AGAP3: variants seen among roughly 807,000 people sequenced by gnomAD.
The protein encoded by AGAP3 is arf-GAP with GTPase, ANK repeat and PH domain-containing protein 3.
A neutral mutation model predicts 96.9 loss-of-function variants in AGAP3; 24 were observed. The observed-to-expected ratio is 0.25, with a 90% CI of 0.18 to 0.35. The LOEUF is 0.35. AGAP3 is among the 10% of genes least tolerant of loss of function. The probability of loss-of-function intolerance (pLI) is 1.00; values close to 1 mark genes in which losing one functional copy is unlikely to be tolerated. For synonymous variants in AGAP3, 563 were observed against 536.1 expected, an observed-to-expected ratio of 1.05 and a Z score of -0.69; for missense variants, 876 against 1,254.2, an observed-to-expected ratio of 0.70 and a Z score of 4.55.
rs751672674 is a variant in AGAP3, at chr7:151,116,912, G to T, written c.390+61G>T. Reference sequence around the variant, plus strand: ...AGCTGGGGGGGCGAGGCTGGGTGCCGCGGGCCTGGGCCTTGCTTCTCCGGC... The same window carrying T: ...AGCTGGGGGGGCGAGGCTGGGTGCCTCGGGCCTGGGCCTTGCTTCTCCGGC... On this transcript the variant is annotated intron_variant, in intron 2 of 17. Coordinates refer to ENST00000397238, the MANE Select transcript of AGAP3 (RefSeq NM_031946.7). 2.1e-5 allele frequency: 33 copies of T among 1,600,370 alleles called. No homozygotes were observed. In the South Asian group the frequency reaches 2.2e-4, roughly 11 times the overall value.
Position 151,086,772 on chromosome 7 carries a change from C to G in AGAP3, c.31C>G (p.Pro11Ala). Reference sequence around the variant, plus strand: ...CTTCCAGGCGGGCGGGGGGCAGAGCCCGCAGCAGCAGCAGAGCCTGGCGGC... The same window carrying G: ...CTTCCAGGCGGGCGGGGGGCAGAGCGCGCAGCAGCAGCAGAGCCTGGCGGC... MNFQAGGGQS[P>A]QQQQSLAAPG... Residue 11 changes from proline to alanine, a missense_variant, in exon 1 of 18, where the codon CCG (proline) becomes GCG (alanine). Around this residue, in one of 8 missense-constraint regions of AGAP3, gnomAD observed 62 missense variants for 82.8 expected, o/e 0.75. Coordinates refer to ENST00000397238, the MANE Select transcript of AGAP3 (RefSeq NM_031946.7). 4 of 973,362 alleles carry G rather than the reference C, an allele frequency of 4.1e-6. No individual in the cohort carries two copies. The highest frequency in any genetic ancestry group is 4.9e-6 in the Non-Finnish European group (4 of 821,904). 60.3% of individuals were successfully genotyped at this position (973,362 alleles called of 1,614,324 possible).
chr7:151,135,268 C>A (rs1231194384), intron 11 of AGAP3, among the ~76,000 whole-genome samples: 1 of 152,206 alleles, frequency 6.6e-6, no homozygotes, highest in Non-Finnish European at 1.5e-5. Flanking sequence ...CTTCAGTATC[C>A]CCAGTGTTGT....
rs540915967 is a variant in AGAP3 at position 151,141,837 on chromosome 7, A to G, written c.1805-61A>G. The G allele has an allele frequency of 3.1e-6, 5 of 1,605,186 alleles. No individual in the cohort carries two copies. The African/African-American group carries it at 6.7e-5, about 21-fold the overall frequency. On this transcript the variant is annotated intron_variant, in intron 13 of 17. Coordinates refer to ENST00000397238, the MANE Select transcript of AGAP3 (RefSeq NM_031946.7). The surrounding 1 kb of genome is among the most constrained non-coding windows in gnomAD (Gnocchi z 4.2). ...GGGTAGTGAGTGGAGTTGTGGCGAT[A>G]GCATGCCCTGGGTGTGCACGCAGGC... is the stretch of plus-strand genomic sequence containing the variant.
At chr7:151,123,754 C>T (rs1431258385) in intron 8 of AGAP3, 40 bp from the exon 9 acceptor site, 1 of 1,610,546 alleles carries the variant, frequency 6.2e-7, no homozygotes, top group South Asian at 1.1e-5. Context: ...TCTCGGCAGA[C>T]CCTGGGCCTC....
rs1799685622 is a variant in AGAP3, at chr7:151,118,152, C to T, written c.707-58C>T. ...CTGCCCTTGGGCCAAATGCCCCCCA[C>T]CACACTACCCCAGCTTCTCCGAAAG... On this transcript the variant is annotated intron_variant, in intron 5 of 17. Coordinates refer to ENST00000397238, the MANE Select transcript of AGAP3 (RefSeq NM_031946.7). The surrounding 1 kb of genome is among the most constrained non-coding windows in gnomAD (Gnocchi z 6.1). The T allele has an allele frequency of 6.4e-7, 1 of 1,556,830 alleles. No individual in the cohort carries two copies. Among genetic ancestry groups the T allele is most frequent in the Admixed American group, 1.8e-5 (1 of 55,028 alleles).
intron 10 of AGAP3, among the ~76,000 whole-genome samples, chr7:151,129,831 C>T (rs1800335436): frequency 1.3e-5 from 2 of 152,204 alleles, no homozygotes; most frequent in South Asian, 2.1e-4. Flanking sequence ...GGGCGCTCTG[C>T]GGGTACCAGG....
intron 1 of AGAP3, among the ~76,000 whole-genome samples, chr7:151,102,287 C>T (rs1268623296): frequency 1.3e-5 from 2 of 152,178 alleles, no homozygotes; most frequent in Non-Finnish European, 2.9e-5. Context: ...ATGGCTTCAC[C>T]GCAGTAGTGC....
At chr7:151,135,425 A>G (rs145798771) in intron 11 of AGAP3, among the ~76,000 whole-genome samples, 4 of 152,350 alleles carry the variant, frequency 2.6e-5, no homozygotes, top group African/African-American at 7.2e-5. Flanking sequence ...TGCTTGTCAC[A>G]GTGAGGGGAG....
At chr7:151,125,380 C>A (rs948116977) in intron 9 of AGAP3, among the ~76,000 whole-genome samples, 1 of 152,200 alleles carries the variant, frequency 6.6e-6, no homozygotes, top group African/African-American at 2.4e-5. Context: ...GGAGGAAGCC[C>A]TGTGAACTTG....
chr7:151,122,343 C>A (rs1037207514), intron 8 of AGAP3, among the ~76,000 whole-genome samples: 1 of 152,218 alleles, frequency 6.6e-6, no homozygotes, highest in Non-Finnish European at 1.5e-5. Flanking sequence ...CTTGCTTTCT[C>A]CCACGCTGCA....
chr7:151,092,330 G>T (rs1798431935), intron 1 of AGAP3, among the ~76,000 whole-genome samples: 1 of 152,202 alleles, frequency 6.6e-6, no homozygotes, highest in South Asian at 2.1e-4. Flanking sequence ...GAACTCCCAT[G>T]TCCGTGTGTG....
rs1563475009 is a variant in AGAP3 at position 151,117,789 on chromosome 7, C to T, written c.706+12C>T. On this transcript the variant is annotated intron_variant, in intron 5 of 17. Transcript: ENST00000397238. The stretch of plus-strand genomic sequence containing the variant: ...TGTGGGCACGCAGGGTGAGGCGGGG[C>T]CCTGCAGGAGCTGGCAGAGAGCAGG... 1 of 1,608,288 alleles carries T rather than the reference C, an allele frequency of 6.2e-7. No homozygotes were observed.
Position 151,086,701 on chromosome 7 carries a change from C to T in AGAP3, c.-41C>T. On this transcript the variant is annotated 5_prime_UTR_variant, in exon 1 of 18. Transcript: ENST00000397238. ...GCCGCCGCCGCCGCCGCCTCCGCCG[C>T]GCCGCCCCGGGCCCGCCTCGGGCCC... 2 of 442,488 alleles carry T rather than the reference C, an allele frequency of 4.5e-6. No homozygotes were observed. The highest frequency in any genetic ancestry group is 6.0e-6 in the Non-Finnish European group (2 of 335,812). 27.4% of individuals were successfully genotyped at this position (442,488 alleles called of 1,614,324 possible).
intron 1 of AGAP3, among the ~76,000 whole-genome samples, chr7:151,101,234 C>T (rs906097063): frequency 6.6e-6 from 1 of 152,250 alleles, no homozygotes; most frequent in Non-Finnish European, 1.5e-5. Context: ...CACAGGGCCC[C>T]TCCTGGGCTG....
intron 8 of AGAP3, chr7:151,120,626 T>C: frequency 7.7e-7 from 1 of 1,292,528 alleles, no homozygotes. Flanking sequence ...CGGCTCTTTT[T>C]CCGTTACCCC....
chr7:151,122,858 G>A (rs1218830495), intron 8 of AGAP3: 2 of 1,601,630 alleles, frequency 1.2e-6, no homozygotes, highest in Non-Finnish European at 8.5e-7. Context: ...GCCGGGCCCT[G>A]GGACTGCTCT....
Position 151,118,649 on chromosome 7 carries a change from G to A in AGAP3, c.969+17G>A, listed in dbSNP as rs780087136. 2.2e-5 allele frequency: 35 copies of A among 1,608,746 alleles called. No individual in the cohort carries two copies. The highest frequency in any genetic ancestry group is 8.9e-5 in the East Asian group (4 of 44,852). On this transcript the variant is annotated intron_variant, in intron 7 of 17. Coordinates refer to ENST00000397238, the MANE Select transcript of AGAP3 (RefSeq NM_031946.7). The surrounding 1 kb of genome is among the most constrained non-coding windows in gnomAD (Gnocchi z 6.1). ...ATCAACCAGGTTCGGCCTGTGCCCC[G>A]CCCTGCCCTTCCTGTCCCCACCATG...
At chr7:151,137,953 G>T in intron 11 of AGAP3, 190 bp from the exon 12 acceptor site, 1 of 587,908 alleles carries the variant, frequency 1.7e-6, no homozygotes, top group Non-Finnish European at 3.0e-6. Flanking sequence ...CTGGGGACAG[G>T]CTGCTTCCTA....
chr7:151,099,192 A>T (rs1380543103), intron 1 of AGAP3, among the ~76,000 whole-genome samples: 3 of 151,834 alleles, frequency 2.0e-5, no homozygotes, highest in African/African-American at 7.3e-5. Flanking sequence ...AAATACAAAA[A>T]ATTAGCCGGG....
Sources: gnomAD v4.1 joint callset for allele counts (sites outside exome capture counted in the v4.1 genomes callset) on GRCh38, gnomAD v4.1.1 for gene constraint, gnomAD v4.1.1 regional missense constraint, Gnocchi (gnomAD v3.1) non-coding constraint, MANE v1.5 for transcripts, NCBI Gene and HGNC (gene_info 2026-07-23, HGNC 2026-07-21) for gene names.